Variants in PAPPA observed in about 807,000 individuals in gnomAD.
PAPPA encodes pappalysin-1.
A neutral mutation model predicts 164.0 loss-of-function variants in PAPPA; 60 were observed. The observed-to-expected ratio is 0.37, with a 90% CI of 0.30 to 0.45. PAPPA has a LOEUF of 0.45. Among genes scored for constraint, PAPPA ranks in the 20% least tolerant of loss-of-function variants. The pLI, the probability that PAPPA is intolerant of heterozygous loss-of-function variation, is 1.00. For synonymous variants in PAPPA, 875 were observed against 814.1 expected (o/e 1.07, Z -1.27); for missense variants, 1,782 against 2,087.3 (o/e 0.85, Z 2.85).
At chr9:116,352,340 G>A (rs2118592345) in intron 15 of PAPPA, among the ~76,000 whole-genome samples, 1 of 152,292 alleles carries the variant, frequency 6.6e-6, no homozygotes, top group Middle Eastern at 3.4e-3. Flanking sequence ...TTGCTGCCAA[G>A]TATTAGAAGG....
intron 8 of PAPPA, among the ~76,000 whole-genome samples, chr9:116,268,775 G>C (rs1845103391): frequency 7.4e-6 from 1 of 134,434 alleles, no homozygotes; most frequent in East Asian, 2.2e-4. Context: ...GTTACCTGTA[G>C]ATATCAAATA....
chr9:116,195,255 G>A (rs1420491018), intron 2 of PAPPA, among the ~76,000 whole-genome samples: 2 of 152,048 alleles, frequency 1.3e-5, no homozygotes, highest in African/African-American at 4.8e-5. Context: ...CTTTTCTTCT[G>A]AACAAAGTCC....
At chr9:116,182,203 G>A (rs551895921) in intron 1 of PAPPA, among the ~76,000 whole-genome samples, 122 of 152,270 alleles carry the variant, frequency 8.0e-4, no homozygotes, top group African/African-American at 2.9e-3. Flanking sequence ...GATAATTAAC[G>A]TAGAGTAAAT....
intron 13 of PAPPA, among the ~76,000 whole-genome samples, chr9:116,338,446 G>A (rs1203014630): frequency 1.3e-5 from 2 of 152,166 alleles, no homozygotes; most frequent in Non-Finnish European, 2.9e-5. Context: ...GGGTGGGGGT[G>A]CCCAAAGACT....
At chr9:116,291,097 C>T (rs577624650) in intron 9 of PAPPA, among the ~76,000 whole-genome samples, 1 of 152,216 alleles carries the variant, frequency 6.6e-6, no homozygotes, top group East Asian at 1.9e-4. Context: ...GCTGCATTGT[C>T]ATTTATAAGG....
chr9:116,154,403 G>A lies in PAPPA; in HGVS notation c.231G>A (p.Arg77=). The A allele has an allele frequency of 8.5e-7, 1 of 1,169,838 alleles. No homozygotes were observed. The highest frequency in any genetic ancestry group is 1.1e-6 in the Non-Finnish European group (1 of 924,906). 72.5% of individuals were successfully genotyped at this position (1,169,838 alleles called of 1,614,324 possible). The change falls in exon 1 of 22, where the codon CGG becomes CGA. Residue 77 remains arginine (R), a synonymous_variant. Coordinates refer to ENST00000328252, the MANE Select transcript of PAPPA (RefSeq NM_002581.5). The surrounding 1 kb of genome is among the most constrained non-coding windows in gnomAD (Gnocchi z 5.2). Reference sequence around the variant, plus strand: ...GGGAAGCCGTGCGCGTCCCCCGGCGGCGGCAGCAGCGGGAGGCGAGGGGCG... The same window carrying A: ...GGGAAGCCGTGCGCGTCCCCCGGCGACGGCAGCAGCGGGAGGCGAGGGGCG... The part of the protein sequence containing the change: ...GAWEAVRVPR[R]RQQREARGAT...
chr9:116,350,808 CGCTTCTAT>C (rs1408176332), intron 15 of PAPPA, among the ~76,000 whole-genome samples: 2 of 152,180 alleles, frequency 1.3e-5, no homozygotes, highest in Non-Finnish European at 2.9e-5. Context: ...GTATTCTGGA[CGCTTCTAT>C]GCTTCTATGG....
In PAPPA at chr9:116,153,885, CAAG is replaced by C; in HGVS notation, c.-287_-285del. 5.4e-6 allele frequency: 1 copy of C among 185,184 alleles called. No homozygotes were observed. The highest frequency in any genetic ancestry group is 1.5e-4 in the East Asian group (1 of 6,768). 11.5% of individuals were successfully genotyped at this position (185,184 alleles called of 1,614,324 possible). On this transcript the variant is annotated 5_prime_UTR_variant, in exon 1 of 22. Coordinates refer to ENST00000328252, the MANE Select transcript of PAPPA (RefSeq NM_002581.5). ...TCATATAAAATAAAATGAAATAAAA[CAAG>C]GAGGAAGGCAACCAGCTGTTAGGGG...
In PAPPA at chr9:116,401,700, C is replaced by G. The variant is rs988671607; in HGVS notation, c.*5084C>G. On this transcript the variant is annotated 3_prime_UTR_variant, in exon 22 of 22. Coordinates refer to ENST00000328252, the MANE Select transcript of PAPPA (RefSeq NM_002581.5). ...TTCCATATTTATGTACCATATTATA[C>G]CTTTTTATTATTGTTATAATTATTA... 10 of 151,172 alleles carry G rather than the reference C, an allele frequency of 6.6e-5. No homozygotes were observed. The highest frequency in any genetic ancestry group is 2.4e-4 in the African/African-American group (10 of 41,270). The allele number at this position is 151,172 out of a possible 1,614,324, so 9.4% of individuals were successfully genotyped here. A position where few individuals can be genotyped will look rare whatever the true frequency, so the allele number is the denominator to read the frequency against.
chr9:116,296,638 A>T (rs909997487), intron 9 of PAPPA, among the ~76,000 whole-genome samples: 4 of 152,186 alleles, frequency 2.6e-5, no homozygotes, highest in African/African-American at 9.7e-5. Context: ...AATAGAGAAG[A>T]CTTGCAAAGG....
intron 21 of PAPPA, among the ~76,000 whole-genome samples, chr9:116,393,866 A>G (rs1846926892): frequency 6.6e-6 from 1 of 152,202 alleles, no homozygotes; most frequent in African/African-American, 2.4e-5. Context: ...GAAACCATGT[A>G]AGATCTGAGA....
At position 116,344,670 on chromosome 9, in the gene PAPPA, G is replaced by A. The variant is rs542686334; in HGVS notation, c.3739G>A (p.Val1247Met). The change falls in exon 14 of 22, where the codon GTG (valine) becomes ATG (methionine). Residue 1247 changes from valine (V) to methionine (M), a missense_variant. Transcript: ENST00000328252. ...TACTGTGAGCTGCCGGACAGGCTAC[G>A]TGCTCCAGATACGGCGGGATGATGA... is the stretch of plus-strand genomic sequence containing the variant. ...QCTVSCRTGY[V>M]LQIRRDDELI... 3.0e-5 allele frequency: 48 copies of A among 1,614,138 alleles called. No individual in the cohort carries two copies. The highest frequency in any genetic ancestry group is 2.4e-4 in the South Asian group (22 of 91,090).
At position 116,154,612 on chromosome 9, in the gene PAPPA, G is replaced by T; in HGVS notation, c.415+25G>T. 1 of 1,307,106 alleles carries T rather than the reference G, an allele frequency of 7.7e-7. No homozygotes were observed. The highest frequency in any genetic ancestry group is 9.7e-7 in the Non-Finnish European group (1 of 1,027,654). 81.0% of individuals were successfully genotyped at this position (1,307,106 alleles called of 1,614,324 possible). The stretch of plus-strand genomic sequence containing the variant: ...GGTAGGTGAGGGCGCCTCGGCGGGC[G>T]CTGCACCGTCCCTGCGGCCCCAGAG... On this transcript the variant is annotated intron_variant, in intron 1 of 21. Coordinates refer to ENST00000328252, the MANE Select transcript of PAPPA (RefSeq NM_002581.5). The surrounding 1 kb of genome is among the most constrained non-coding windows in gnomAD (Gnocchi z 5.2).
intron 10 of PAPPA, chr9:116,318,552 G>T (rs1845815196): frequency 6.6e-6 from 1 of 152,002 alleles, no homozygotes; most frequent in African/African-American, 2.4e-5. Context: ...CACCCTGTAA[G>T]AATACAAGGA....
At chr9:116,396,300 T>C (rs1846962166) in intron 21 of PAPPA, among the ~76,000 whole-genome samples, 1 of 152,182 alleles carries the variant, frequency 6.6e-6, no homozygotes, top group Admixed American at 6.5e-5. Context: ...GCCTGACCCA[T>C]AGCAAGTGCC....
chr9:116,256,338 A>G (rs1844927439), intron 7 of PAPPA, among the ~76,000 whole-genome samples: 1 of 152,010 alleles, frequency 6.6e-6, no homozygotes, highest in African/African-American at 2.4e-5. Flanking sequence ...CAAAGAAGAG[A>G]CAAATAATGG....
In PAPPA at chr9:116,353,892, AATCTCTG is replaced by A. The variant is rs142369095; in HGVS notation, c.4347+103_4347+109del. 1.6e-3 allele frequency: 1,282 copies of A among 813,356 alleles called. 16 individuals carry two copies. The African/African-American group carries it at 0.02, about 13-fold the overall frequency. 50.4% of individuals were successfully genotyped at this position (813,356 alleles called of 1,614,324 possible). On this transcript the variant is annotated intron_variant, in intron 17 of 21. Transcript: ENST00000328252. Reference sequence around the variant, plus strand: ...CAGGAACCACTTTCTGCACTTTTGTAATCTCTGATCCTCATTTTCCTACCCGCAATAC... The same window carrying A: ...CAGGAACCACTTTCTGCACTTTTGTAATCCTCATTTTCCTACCCGCAATAC...
At chr9:116,285,466 C>A (rs919429887) in intron 9 of PAPPA, among the ~76,000 whole-genome samples, 1 of 152,120 alleles carries the variant, frequency 6.6e-6, no homozygotes, top group East Asian at 1.9e-4. Flanking sequence ...TGCTTTATAC[C>A]TCCTACTATA....
chr9:116,202,420 T>C (rs943588146), intron 2 of PAPPA, among the ~76,000 whole-genome samples: 1 of 152,202 alleles, frequency 6.6e-6, no homozygotes, highest in Middle Eastern at 3.4e-3. Flanking sequence ...AGCTTTGATC[T>C]CCCTCCAGAA....
Sources: allele counts gnomAD v4.1 joint callset (sites outside exome capture counted in the v4.1 genomes callset), GRCh38; gene constraint gnomAD v4.1.1; non-coding constraint Gnocchi (gnomAD v3.1); transcripts MANE v1.5; gene names NCBI Gene and HGNC (gene_info 2026-07-23, HGNC 2026-07-21).